FSD1L: variants seen among roughly 807,000 people sequenced by gnomAD.
The protein encoded by FSD1L is FSD1-like protein.
FSD1L carries 45 observed loss-of-function variants against 71.6 expected under a neutral mutation model. The observed-to-expected ratio is 0.63, with a 90% CI of 0.49 to 0.81. FSD1L has a LOEUF of 0.81. Among genes scored for constraint, FSD1L ranks in the 30% least tolerant of loss-of-function variants. The pLI is 0.00. For missense variants in FSD1L, 561 were observed against 618.1 expected (o/e 0.91, Z 0.98); for synonymous variants, 197 against 207.2 (o/e 0.95, Z 0.42).
At chr9:105,487,372 G>T (rs1051524861) in intron 7 of FSD1L, among the ~76,000 whole-genome samples, 2 of 151,306 alleles carry the variant, frequency 1.3e-5, no homozygotes, top group African/African-American at 4.8e-5. Flanking sequence ...TATATGTACT[G>T]GAAAATATTT....
intron 5 of FSD1L, chr9:105,473,363 A>T (rs1013883176): frequency 7.2e-5 from 11 of 152,322 alleles, no homozygotes; most frequent in Middle Eastern, 6.8e-3. Context: ...TTCATGTGAT[A>T]ACCTTAAGTG....
intron 7 of FSD1L, among the ~76,000 whole-genome samples, chr9:105,486,924 G>T (rs904924824): frequency 3.3e-5 from 5 of 152,110 alleles, no homozygotes; most frequent in African/African-American, 7.2e-5. Context: ...AACAGTCTAT[G>T]CCTGTAAAAG....
intron 13 of FSD1L, among the ~76,000 whole-genome samples, chr9:105,545,652 A>T (rs1836949358): frequency 6.6e-6 from 1 of 151,988 alleles, no homozygotes; most frequent in African/African-American, 2.4e-5. Context: ...GAATTTTGGT[A>T]AAGGCCTTTT....
intron 12 of FSD1L, among the ~76,000 whole-genome samples, chr9:105,538,755 G>T (rs1273325414): frequency 2.0e-5 from 3 of 152,078 alleles, no homozygotes; most frequent in Non-Finnish European, 4.4e-5. Flanking sequence ...ATACAAAATA[G>T]CAAGACCCCG....
At chr9:105,518,815 G>C (rs1050540284) in intron 10 of FSD1L, among the ~76,000 whole-genome samples, 1 of 152,098 alleles carries the variant, frequency 6.6e-6, no homozygotes, top group Non-Finnish European at 1.5e-5. Context: ...TAAGATCAGA[G>C]CAGAACTGAA....
upstream of FSD1L, among the ~76,000 whole-genome samples, chr9:105,446,599 G>A (rs1829654493): frequency 6.6e-6 from 1 of 151,896 alleles, no homozygotes; most frequent in African/African-American, 2.4e-5. Context: ...TCGAACTCCT[G>A]GACTCAAGTG....
chr9:105,493,460 C>A (rs924191689), intron 7 of FSD1L, among the ~76,000 whole-genome samples: 2 of 151,344 alleles, frequency 1.3e-5, no homozygotes, highest in African/African-American at 4.8e-5. Context: ...ATCCAATTTG[C>A]CAGTCTGTGT....
chr9:105,531,216 G>A (rs1589093271), intron 10 of FSD1L, among the ~76,000 whole-genome samples: 1 of 152,240 alleles, frequency 6.6e-6, no homozygotes, highest in Admixed American at 6.5e-5. Context: ...AGTAGTTTAT[G>A]GTAAGTCCTG....
chr9:105,543,475 G>A (rs1836761500), intron 13 of FSD1L, among the ~76,000 whole-genome samples: 1 of 152,000 alleles, frequency 6.6e-6, no homozygotes, highest in African/African-American at 2.4e-5. Context: ...GGGTACATGT[G>A]CACAACGTGC....
chr9:105,455,638 A>G (rs979875044), intron 1 of FSD1L, among the ~76,000 whole-genome samples: 3 of 152,228 alleles, frequency 2.0e-5, no homozygotes, highest in African/African-American at 7.2e-5. Context: ...TTCTGGGGAC[A>G]ACCTCCTGAA....
At chr9:105,474,711 A>C (rs987110341) in intron 5 of FSD1L, among the ~76,000 whole-genome samples, 3 of 152,256 alleles carry the variant, frequency 2.0e-5, no homozygotes, top group Non-Finnish European at 4.4e-5. Flanking sequence ...GCCCATGAGG[A>C]CAAAAAAATA....
intron 10 of FSD1L, chr9:105,524,228 A>G: frequency 6.2e-7 from 1 of 1,612,310 alleles, no homozygotes; most frequent in South Asian, 1.1e-5. Context: ...GTGTTTCCTT[A>G]AAGTTTACTA....
In FSD1L at chr9:105,518,739, A is replaced by T. The variant is rs1262980518; in HGVS notation, c.1025+5803A>T. On this transcript the variant is annotated intron_variant, in intron 10 of 13. Transcript: ENST00000481272. Reference sequence around the variant, plus strand: ...GATCTAAAATTGACATACTGACATGAAAATGAAAAGAACTAGAGAAGCAAC... The same window carrying T: ...GATCTAAAATTGACATACTGACATGTAAATGAAAAGAACTAGAGAAGCAAC... 2.0e-5 allele frequency among the ~76,000 whole-genome samples: 3 copies of T among 152,348 alleles called. No individual in the cohort carries two copies. The East Asian group carries it at 5.8e-4, about 29-fold the overall frequency.
chr9:105,508,160 G>C (rs191998927), intron 8 of FSD1L, among the ~76,000 whole-genome samples: 1 of 146,644 alleles, frequency 6.8e-6, no homozygotes, highest in East Asian at 2.0e-4. Context: ...CACTGCGCCC[G>C]ACCACATATC....
intron 4 of FSD1L, among the ~76,000 whole-genome samples, chr9:105,470,205 C>CT (rs912309531): frequency 5.3e-5 from 8 of 152,090 alleles, no homozygotes; most frequent in African/African-American, 1.9e-4. Flanking sequence ...AGGCATTCGA[C>CT]TTTTTTCTCT....
chr9:105,532,785 G>A (rs1045252531), intron 10 of FSD1L, among the ~76,000 whole-genome samples: 7 of 152,196 alleles, frequency 4.6e-5, no homozygotes, highest in African/African-American at 7.2e-5. Flanking sequence ...ATTAAACTAA[G>A]TCATGTGAGT....
chr9:105,508,431 C>A (rs1315509669), intron 8 of FSD1L, among the ~76,000 whole-genome samples, 186 bp from the exon 9 acceptor site: 2 of 152,008 alleles, frequency 1.3e-5, no homozygotes, highest in Admixed American at 6.6e-5. Flanking sequence ...CCCACCTGGG[C>A]CTTCCAAAGT....
intron 1 of FSD1L, among the ~76,000 whole-genome samples, chr9:105,457,655 C>T (rs2131588104): frequency 6.6e-6 from 1 of 152,380 alleles, no homozygotes; most frequent in South Asian, 2.1e-4. Flanking sequence ...GAGTTTCACT[C>T]ATGCCGGCTG....
intron 7 of FSD1L, among the ~76,000 whole-genome samples, chr9:105,489,919 G>T (rs1418708874): frequency 6.6e-6 from 1 of 152,192 alleles, no homozygotes; most frequent in African/African-American, 2.4e-5. Context: ...GGACATTTGG[G>T]TTGGTTCCAA....
Sources: allele counts gnomAD v4.1 joint callset (sites outside exome capture counted in the v4.1 genomes callset), GRCh38; gene constraint gnomAD v4.1.1; transcripts MANE v1.5; gene names NCBI Gene and HGNC (gene_info 2026-07-23, HGNC 2026-07-21).